The following USP13 variants were observed in gnomAD, a reference collection of about 807,000 sequenced individuals.
The protein encoded by USP13 is ubiquitin carboxyl-terminal hydrolase 13.
USP13 carries 68 observed loss-of-function variants against 107.8 expected under a neutral mutation model. The ratio of observed to expected loss-of-function variants is 0.63; its 90% CI spans 0.52 to 0.77. The LOEUF is 0.77. Ranked by LOEUF, USP13 falls within the 30% of genes least tolerant of loss-of-function variation. The pLI, the probability that USP13 is intolerant of heterozygous loss-of-function variation, is 0.00. For missense variants in USP13, 945 were observed against 1,093.3 expected (o/e 0.86, Z 1.91); for synonymous variants, 377 against 389.5 (o/e 0.97, Z 0.38).
intron 13 of USP13, among the ~76,000 whole-genome samples, chr3:179,747,279 G>C (rs947767645): frequency 6.6e-6 from 1 of 152,180 alleles, no homozygotes; most frequent in Non-Finnish European, 1.5e-5. Flanking sequence ...TATTAGTGAT[G>C]GAAGCAATTT....
At chr3:179,685,792 A>G (rs1032651155) in intron 2 of USP13, among the ~76,000 whole-genome samples, 14 of 152,048 alleles carry the variant, frequency 9.2e-5, no homozygotes, top group Admixed American at 8.5e-4. Context: ...CAAAATTTCT[A>G]CTCATTTTTG....
At position 179,766,875 on chromosome 3, in the gene USP13, TGGCATTC is replaced by T. The variant is rs896359470; in HGVS notation, c.2413+1028_2413+1034del. ...AGAATAACATTCAGGCTCTTTAGCT[TGGCATTC>T]AGCACCTCCTCCAGTCAGATCCAGG... is the stretch of plus-strand genomic sequence containing the variant. On this transcript the variant is annotated intron_variant, in intron 19 of 20. Transcript: ENST00000263966. Among the ~76,000 whole-genome samples the T allele has an allele frequency of 1.5e-4, 23 of 152,292 alleles. No individual in the cohort carries two copies. In the East Asian group the frequency reaches 1.5e-3, roughly 10 times the overall value.
At position 179,760,562 on chromosome 3, in the gene USP13, C is replaced by T. The variant is rs186241369; in HGVS notation, c.1949-550C>T. Among the ~76,000 whole-genome samples the T allele has an allele frequency of 5.0e-3, 756 of 152,252 alleles. 5 individuals carry two copies. In the Middle Eastern group the frequency reaches 0.058, roughly 12 times the overall value. On this transcript the variant is annotated intron_variant, in intron 16 of 20. Coordinates refer to ENST00000263966, the MANE Select transcript of USP13 (RefSeq NM_003940.3). ...CCTCCCAAAGTGCTGGGATTACAGG[C>T]GTGAGCCACCACGCCTGGCCTCTTA...
At chr3:179,675,938 T>TC (rs1237839658) in intron 1 of USP13, among the ~76,000 whole-genome samples, 1 of 152,160 alleles carries the variant, frequency 6.6e-6, no homozygotes, top group Non-Finnish European at 1.5e-5. Context: ...TTTGGCTGTG[T>TC]CCCCACCCAA....
chr3:179,746,510 A>G lies in USP13; in HGVS notation c.1709+1293A>G, dbSNP rs547982291. 2.6e-5 allele frequency among the ~76,000 whole-genome samples: 4 copies of G among 151,622 alleles called. No individual in the cohort carries two copies. In the East Asian group the frequency reaches 7.7e-4, roughly 29 times the overall value. On this transcript the variant is annotated intron_variant, in intron 13 of 20. Transcript: ENST00000263966. ...TGCAGTGGCACAATCTCTGCTTGCCACAACCTACGCCTCCCAGGTTCAAGT... is the reference window on the plus strand; with the variant it reads ...TGCAGTGGCACAATCTCTGCTTGCCGCAACCTACGCCTCCCAGGTTCAAGT...
chr3:179,769,097 T>C, intron 19 of USP13, among the ~76,000 whole-genome samples: 1 of 152,198 alleles, frequency 6.6e-6, no homozygotes, highest in East Asian at 1.9e-4. Context: ...AAATCTAAGG[T>C]TGTTTAAATA....
chr3:179,684,188 C>T (rs1320542007), intron 2 of USP13, among the ~76,000 whole-genome samples: 4 of 151,680 alleles, frequency 2.6e-5, no homozygotes, highest in African/African-American at 7.3e-5. Flanking sequence ...CTCGCTATCT[C>T]GACCTCATGA....
chr3:179,661,741 T>G (rs1261617285), intron 1 of USP13, among the ~76,000 whole-genome samples: 1 of 152,188 alleles, frequency 6.6e-6, no homozygotes, highest in Non-Finnish European at 1.5e-5. Context: ...TTTGCTAAGC[T>G]TCTCCCATCA....
chr3:179,762,090 T>G (rs551420412), intron 17 of USP13, among the ~76,000 whole-genome samples: 68 of 152,314 alleles, frequency 4.5e-4, no homozygotes, highest in African/African-American at 1.6e-3. Context: ...CTCCCCATTT[T>G]CCTGCTCACC....
chr3:179,684,760 T>C (rs1018389211), intron 2 of USP13, among the ~76,000 whole-genome samples: 1 of 124,974 alleles, frequency 8.0e-6, no homozygotes, highest in East Asian at 2.4e-4. Flanking sequence ...ACTTTTTCCA[T>C]GTTTATTTAT....
chr3:179,667,567 T>C (rs2108440003), intron 1 of USP13, among the ~76,000 whole-genome samples: 1 of 152,346 alleles, frequency 6.6e-6, no homozygotes, highest in Non-Finnish European at 1.5e-5. Context: ...ACTGTTGTAG[T>C]AGCTGGACCT....
At chr3:179,668,273 T>A (rs575534205) in intron 1 of USP13, among the ~76,000 whole-genome samples, 2 of 152,224 alleles carry the variant, frequency 1.3e-5, no homozygotes, top group Non-Finnish European at 2.9e-5. Context: ...TAGCTGGGAC[T>A]ACAGGTGTGC....
At chr3:179,744,307 C>T (rs530415555) in intron 12 of USP13, among the ~76,000 whole-genome samples, 79 of 151,420 alleles carry the variant, frequency 5.2e-4, no homozygotes, top group South Asian at 1.2e-3. Flanking sequence ...GTGTAACACT[C>T]GATCTGGCTC....
At chr3:179,682,037 T>A (rs369787909) in intron 2 of USP13, 34 bp downstream of exon 2, 3 of 1,598,122 alleles carry the variant, frequency 1.9e-6, no homozygotes, top group Non-Finnish European at 1.7e-6. Flanking sequence ...CTGGCCTTGA[T>A]GTCTTCCCTG....
Position 179,653,131 on chromosome 3 carries a change from C to T in USP13, c.-95C>T, listed in dbSNP as rs1720132558. The T allele has an allele frequency of 4.1e-6, 4 of 984,830 alleles. No individual in the cohort carries two copies. Among genetic ancestry groups the T allele is most frequent in the Non-Finnish European group, 2.4e-6 (2 of 827,414 alleles). 61.0% of individuals were successfully genotyped at this position (984,830 alleles called of 1,614,324 possible). A position where few individuals can be genotyped will look rare whatever the true frequency, so the allele number is the denominator to read the frequency against. Reference sequence around the variant, plus strand: ...GGCCGGCTGCCGTTGCCCGCGCAGCCCGCCCGTCAGCCCGCTCGCTGGCGC... The same window carrying T: ...GGCCGGCTGCCGTTGCCCGCGCAGCTCGCCCGTCAGCCCGCTCGCTGGCGC... On this transcript the variant is annotated 5_prime_UTR_variant, in exon 1 of 21. Coordinates refer to ENST00000263966, the MANE Select transcript of USP13 (RefSeq NM_003940.3). The surrounding 1 kb of genome is among the most constrained non-coding windows in gnomAD (Gnocchi z 4.0).
chr3:179,735,169 G>C (rs1713952756), intron 10 of USP13, among the ~76,000 whole-genome samples: 1 of 152,214 alleles, frequency 6.6e-6, no homozygotes, highest in Non-Finnish European at 1.5e-5. Context: ...GTCAGGACTA[G>C]CCATTGCCTC....
rs1711553591 is a variant in USP13, at chr3:179,678,825, T to C, written c.169-3053T>C. Among the ~76,000 whole-genome samples the C allele has an allele frequency of 6.6e-6, 1 of 152,230 alleles. No homozygotes were observed. Among genetic ancestry groups the C allele is most frequent in the Non-Finnish European group, 1.5e-5 (1 of 68,038 alleles). The stretch of plus-strand genomic sequence containing the variant: ...TGCAGTTGACTCTGGTCTATTAACT[T>C]GTATCCTGTGATCTTGCTAAATTCA... On this transcript the variant is annotated intron_variant, in intron 1 of 20. Transcript: ENST00000263966. This position sits in a 1 kb window ranked among gnomAD's most constrained non-coding sequence, Gnocchi z 4.2.
At chr3:179,764,891 G>A (rs1715124842) in intron 18 of USP13, among the ~76,000 whole-genome samples, 1 of 152,142 alleles carries the variant, frequency 6.6e-6, no homozygotes, top group Non-Finnish European at 1.5e-5. Context: ...AGGTCACAGT[G>A]GCTCTTGATT....
At chr3:179,665,017 G>C (rs1455779813) in intron 1 of USP13, among the ~76,000 whole-genome samples, 1 of 152,178 alleles carries the variant, frequency 6.6e-6, no homozygotes, top group Non-Finnish European at 1.5e-5. Flanking sequence ...AAACCCAGGA[G>C]GCGGAGGTGC....
Sources: allele counts gnomAD v4.1 joint callset (sites outside exome capture counted in the v4.1 genomes callset), GRCh38; gene constraint gnomAD v4.1.1; non-coding constraint Gnocchi (gnomAD v3.1); transcripts MANE v1.5; gene names NCBI Gene and HGNC (gene_info 2026-07-23, HGNC 2026-07-21).